Variants in RTN3 observed in about 807,000 individuals in gnomAD.
RTN3 encodes reticulon-3.
In RTN3, 49 loss-of-function variants were observed where a neutral mutation model predicts 77.8. That is an observed-to-expected ratio of 0.63 (90% CI 0.50 to 0.80). RTN3 has a LOEUF of 0.80. RTN3 is among the 30% of genes least tolerant of loss of function. The probability of loss-of-function intolerance (pLI) is 0.00; values close to 1 mark genes in which losing one functional copy is unlikely to be tolerated. For synonymous variants in RTN3, 464 were observed against 446.9 expected, an observed-to-expected ratio of 1.04 and a Z score of -0.48; for missense variants, 1,236 against 1,211.9, an observed-to-expected ratio of 1.02 and a Z score of -0.29.
intron 3 of RTN3, among the ~76,000 whole-genome samples, chr11:63,739,063 A>G (rs2013314114): frequency 6.6e-6 from 1 of 152,210 alleles, no homozygotes; most frequent in Admixed American, 6.5e-5. Flanking sequence ...AATAAAAGTA[A>G]TATGGCCACA....
At chr11:63,687,630 A>T (rs1319009797) in intron 1 of RTN3, among the ~76,000 whole-genome samples, 1 of 152,016 alleles carries the variant, frequency 6.6e-6, no homozygotes, top group Non-Finnish European at 1.5e-5. Context: ...AAAAGTGAAC[A>T]CATTTATAGG....
chr11:63,732,317 A>G (rs2012751033), intron 3 of RTN3, among the ~76,000 whole-genome samples: 1 of 152,078 alleles, frequency 6.6e-6, no homozygotes, highest in Admixed American at 6.6e-5. Context: ...TAGGGACTAC[A>G]GGCACGCACT....
At chr11:63,739,151 C>G (rs1339553504) in intron 3 of RTN3, among the ~76,000 whole-genome samples, 1 of 152,062 alleles carries the variant, frequency 6.6e-6, no homozygotes, top group Non-Finnish European at 1.5e-5. Context: ...TGCAGACATT[C>G]CTTGTCAGAT....
intron 3 of RTN3, chr11:63,747,079 C>CATA (rs2013841529): frequency 4.5e-6 from 2 of 444,944 alleles, no homozygotes; most frequent in African/African-American, 4.0e-5. Context: ...AGACTATAGG[C>CATA]CAGTTGTTTT....
At chr11:63,734,779 A>ACC (rs1218679610) in intron 3 of RTN3, among the ~76,000 whole-genome samples, 76 of 70,350 alleles carry the variant, frequency 1.1e-3, no homozygotes, top group East Asian at 5.8e-3. Flanking sequence ...ACACACACAC[A>ACC]CACCATACTG....
intron 1 of RTN3, among the ~76,000 whole-genome samples, chr11:63,702,684 GT>G (rs993568867): frequency 2.5e-4 from 36 of 142,282 alleles, no homozygotes; most frequent in African/African-American, 8.8e-4. Flanking sequence ...TTGTTTTTTT[GT>G]TTTTTTGTTT....
At chr11:63,688,851 A>G (rs990911909) in intron 1 of RTN3, among the ~76,000 whole-genome samples, 2 of 152,188 alleles carry the variant, frequency 1.3e-5, no homozygotes, top group African/African-American at 2.4e-5. Context: ...TTGGTCATGA[A>G]GGAATTGGTG....
In RTN3 at chr11:63,719,845, C is replaced by T. The variant is rs745590857; in HGVS notation, c.1343C>T (p.Ala448Val). ...ATGCAGAAACAGGATGACACACTTG[C>T]AGAATTACCTGGATCTCCACCTGAG... ...GNMQKQDDTL[A>V]ELPGSPPEKC... Residue 448 changes from alanine (A) to valine (V), a missense_variant, in exon 3 of 9, where the codon GCA (alanine) becomes GTA (valine). Physicochemically the swap from Ala to Val is moderately conservative, Grantham distance 64. This residue lies in a region of RTN3 where 1,056 missense variants were observed against 990.4 expected (regional missense o/e 1.07). Transcript: ENST00000377819. 3.7e-6 allele frequency: 6 copies of T among 1,614,002 alleles called. No individual in the cohort carries two copies. The highest frequency in any genetic ancestry group is 5.1e-6 in the Non-Finnish European group (6 of 1,180,026).
At position 63,758,366 on chromosome 11, in the gene RTN3, A is replaced by G. The variant is rs2014497595; in HGVS notation, c.*165A>G. The G allele has an allele frequency of 6.3e-7, 1 of 1,589,426 alleles. No individual in the cohort carries two copies. Among genetic ancestry groups the G allele is most frequent in the Non-Finnish European group, 8.5e-7 (1 of 1,170,868 alleles). On this transcript the variant is annotated 3_prime_UTR_variant, in exon 9 of 9. Coordinates refer to ENST00000377819, the MANE Select transcript of RTN3 (RefSeq NM_001265589.2). ...CCATCCTTTCCCTTTAACCCTCAGT[A>G]TCAAGCACAAAAATTGATGGACTGA... is the stretch of plus-strand genomic sequence containing the variant.
rs71468642 is a variant in RTN3, at chr11:63,744,240, CAAAAAAAAAAAA to C, written c.2531-5736_2531-5725del. ...CTGGCGACAGAGCAAGACTCTGTCT[CAAAAAAAAAAAA>C]AAAAAAAAAAAAAAGTGGGAAAGGA... is the stretch of plus-strand genomic sequence containing the variant. On this transcript the variant is annotated intron_variant, in intron 3 of 8. Transcript: ENST00000377819. 1.1e-4 allele frequency among the ~76,000 whole-genome samples: 7 copies of C among 63,626 alleles called. No homozygotes were observed. The South Asian group carries it at 5.0e-3, about 45-fold the overall frequency. 41.7% of individuals were successfully genotyped at this position (63,626 alleles called of 152,430 possible).
At chr11:63,730,728 A>G (rs1166040629) in intron 3 of RTN3, among the ~76,000 whole-genome samples, 2 of 152,180 alleles carry the variant, frequency 1.3e-5, no homozygotes, top group Non-Finnish European at 2.9e-5. Flanking sequence ...GCTGAGGCGG[A>G]GGATTGCTTG....
intron 1 of RTN3, among the ~76,000 whole-genome samples, chr11:63,693,358 C>T (rs1348334242): frequency 6.6e-6 from 1 of 152,082 alleles, no homozygotes; most frequent in Non-Finnish European, 1.5e-5. Flanking sequence ...TGGCACATGC[C>T]TGTAATCCCA....
rs2013035295 is a variant in RTN3 at position 63,735,550 on chromosome 11, T to TTCTCTATC, written c.2531-14436_2531-14435insATCTCTCT. Among the ~76,000 whole-genome samples, 3 of 42,734 alleles carry TTCTCTATC rather than the reference T, an allele frequency of 7.0e-5. No individual in the cohort carries two copies. In the South Asian group the frequency reaches 4.4e-3, roughly 63 times the overall value. The allele number at this position is 42,734 out of a possible 152,430, so 28.0% of individuals were successfully genotyped here. On this transcript the variant is annotated intron_variant, in intron 3 of 8. Transcript: ENST00000377819. ...AATTCAAAGTCCCAGATTCTAACAT[T>TTCTCTATC]TCTCTCTCTCTCTCTCTCTCTCTCT...
At chr11:63,747,024 A>AT in intron 3 of RTN3, 1 of 456,056 alleles carries the variant, frequency 2.2e-6, no homozygotes, top group Non-Finnish European at 4.4e-6. Context: ...GATTAAAAGA[A>AT]GTAAGTTCCT....
intron 1 of RTN3, among the ~76,000 whole-genome samples, chr11:63,683,787 A>G (rs1011631603): frequency 3.3e-5 from 5 of 152,028 alleles, no homozygotes; most frequent in Non-Finnish European, 5.9e-5. Context: ...TTCTCTTTAT[A>G]ATAGTGGAAA....
chr11:63,745,093 T>C (rs566255), intron 3 of RTN3, among the ~76,000 whole-genome samples: 110,985 of 152,126 alleles, frequency 0.73, 42,479 homozygotes, highest in East Asian at 0.99. Flanking sequence ...CATTTTAAAC[T>C]ATTGGCAACT....
chr11:63,733,317 G>A (rs763842426), intron 3 of RTN3, among the ~76,000 whole-genome samples: 9 of 151,984 alleles, frequency 5.9e-5, no homozygotes, highest in Non-Finnish European at 1.3e-4. Flanking sequence ...GTGAAACCCC[G>A]TCTCTACTAA....
intron 3 of RTN3, among the ~76,000 whole-genome samples, chr11:63,734,734 A>AACACACACACAAACAC (rs2012949070): frequency 1.2e-5 from 1 of 81,226 alleles, no homozygotes; most frequent in African/African-American, 3.7e-5. Flanking sequence ...TCTGTCTCAA[A>AACACACACACAAACAC]ACACACACAC....
At chr11:63,698,143 T>C (rs1448868854) in intron 1 of RTN3, among the ~76,000 whole-genome samples, 1 of 152,078 alleles carries the variant, frequency 6.6e-6, no homozygotes, top group Non-Finnish European at 1.5e-5. Flanking sequence ...TTTTTTTTTT[T>C]TTCTTTAAAA....
Sources: gnomAD v4.1 joint callset for allele counts (sites outside exome capture counted in the v4.1 genomes callset) on GRCh38, gnomAD v4.1.1 for gene constraint, gnomAD v4.1.1 regional missense constraint, MANE v1.5 for transcripts, NCBI Gene and HGNC (gene_info 2026-07-23, HGNC 2026-07-21) for gene names.